Variants in KAZN observed in about 807,000 individuals in gnomAD.
KAZN encodes kazrin, periplakin interacting protein.
KAZN carries 40 observed loss-of-function variants against 87.4 expected under a neutral mutation model. The observed-to-expected ratio is 0.46, with a 90% CI of 0.36 to 0.60. KAZN has a LOEUF of 0.60. KAZN is among the 20% of genes least tolerant of loss of function. The pLI, the probability that KAZN is intolerant of heterozygous loss-of-function variation, is 0.00. For missense variants in KAZN, 898 were observed against 1,073.9 expected (o/e 0.84, Z 2.29); for synonymous variants, 466 against 458.3 (o/e 1.02, Z -0.22).
rs1414310963 is a variant in KAZN at position 15,066,649 on chromosome 1, G to A, written c.1222+896G>A. On this transcript the variant is annotated intron_variant, in intron 8 of 14. Coordinates refer to ENST00000376030, the MANE Select transcript of KAZN (RefSeq NM_201628.3). The surrounding 1 kb of genome is among the most constrained non-coding windows in gnomAD (Gnocchi z 4.3). ...CTATCTAAATTATTACATAAATATT[G>A]GAATGTCTATTTTTCCATGGGGTGG... 1.0e-6 allele frequency: 1 copy of A among 984,266 alleles called. No individual in the cohort carries two copies. The highest frequency in any genetic ancestry group is 1.2e-6 in the Non-Finnish European group (1 of 829,040). The allele number at this position is 984,266 out of a possible 1,614,324, so 61.0% of individuals were successfully genotyped here.
At chr1:14,582,017 C>A (rs970400713) in intron 2 of KAZN, among the ~76,000 whole-genome samples, 2 of 152,024 alleles carry the variant, frequency 1.3e-5, no homozygotes, top group Non-Finnish European at 2.9e-5. Context: ...ATGTAAGCTC[C>A]AAAAGGGCAG....
chr1:14,834,106 G>C (rs1647143070), intron 1 of KAZN, among the ~76,000 whole-genome samples: 1 of 151,840 alleles, frequency 6.6e-6, no homozygotes, highest in Non-Finnish European at 1.5e-5. Flanking sequence ...TGTGATCTCA[G>C]CTCACCGCAA....
At chr1:14,126,546 C>G (rs1411777831) in intron 1 of KAZN, among the ~76,000 whole-genome samples, 1 of 151,988 alleles carries the variant, frequency 6.6e-6, no homozygotes, top group East Asian at 1.9e-4. Flanking sequence ...TGCATTTTAG[C>G]AAAGGTCTCA....
intron 1 of KAZN, among the ~76,000 whole-genome samples, chr1:14,754,399 G>A (rs903885686): frequency 6.6e-6 from 1 of 152,132 alleles, no homozygotes; most frequent in Non-Finnish European, 1.5e-5. Context: ...TTGGGAGGCT[G>A]AGGCAGGTGG....
In KAZN at chr1:15,086,114, G is replaced by A. The variant is rs567152758; in HGVS notation, c.1223-8066G>A. On this transcript the variant is annotated intron_variant, in intron 8 of 14. Transcript: ENST00000376030. ...GCCTCCCAAGTAGCTGGGATTACAGGCGCCCCCGACCACGCCCGGCTAATT... is the reference window on the plus strand; with the variant it reads ...GCCTCCCAAGTAGCTGGGATTACAGACGCCCCCGACCACGCCCGGCTAATT... Among the ~76,000 whole-genome samples, 4 of 152,164 alleles carry A rather than the reference G, an allele frequency of 2.6e-5. No individual in the cohort carries two copies. In the East Asian group the frequency reaches 5.8e-4, roughly 22 times the overall value.
intron 1 of KAZN, among the ~76,000 whole-genome samples, chr1:14,038,207 T>C (rs1641643393): frequency 6.6e-6 from 1 of 152,002 alleles, no homozygotes; most frequent in South Asian, 2.1e-4. Context: ...ATTTAGAAGG[T>C]ACTAAAGGAT....
At chr1:14,314,477 G>A (rs1655515904) in intron 2 of KAZN, among the ~76,000 whole-genome samples, 2 of 152,032 alleles carry the variant, frequency 1.3e-5, no homozygotes, top group Admixed American at 6.6e-5. Context: ...TGAGATTCCT[G>A]TTGGCTTTTA....
chr1:15,046,435 G>T (rs1316293639), intron 4 of KAZN, among the ~76,000 whole-genome samples: 1 of 149,430 alleles, frequency 6.7e-6, no homozygotes, highest in African/African-American at 2.6e-5. Flanking sequence ...GGAAGGATTG[G>T]CTTTGCTGTC....
At chr1:14,287,186 T>C (rs936163098) in intron 2 of KAZN, among the ~76,000 whole-genome samples, 7 of 152,208 alleles carry the variant, frequency 4.6e-5, no homozygotes, top group African/African-American at 1.4e-4. Context: ...TTCCATTACC[T>C]TGACACCGTT....
At chr1:14,970,913 G>A (rs1046878201) in intron 2 of KAZN, among the ~76,000 whole-genome samples, 37 of 152,172 alleles carry the variant, frequency 2.4e-4, no homozygotes, top group African/African-American at 8.9e-4. Context: ...GGAAGACTGA[G>A]GTGTGAACAC....
At chr1:14,721,938 G>T (rs1157859932) in intron 1 of KAZN, among the ~76,000 whole-genome samples, 1 of 152,092 alleles carries the variant, frequency 6.6e-6, no homozygotes, top group Non-Finnish European at 1.5e-5. Context: ...TGAATAACTT[G>T]AGGTCAGAAG....
At chr1:14,717,341 A>G (rs960368363) in intron 1 of KAZN, among the ~76,000 whole-genome samples, 2 of 151,934 alleles carry the variant, frequency 1.3e-5, no homozygotes, top group Admixed American at 1.3e-4. Flanking sequence ...TGGATTCTGT[A>G]TTCTAGCTGG....
chr1:14,636,080 G>A (rs963461009), intron 1 of KAZN, among the ~76,000 whole-genome samples: 9 of 152,184 alleles, frequency 5.9e-5, no homozygotes, highest in Admixed American at 6.5e-5. Context: ...AACTGAAAGC[G>A]GGGAGGACTG....
At chr1:14,529,037 C>T (rs1390777567) in intron 2 of KAZN, among the ~76,000 whole-genome samples, 2 of 152,126 alleles carry the variant, frequency 1.3e-5, no homozygotes, top group African/African-American at 4.8e-5. Context: ...GGCGCGGTGG[C>T]TCATGCCTGT....
intron 2 of KAZN, among the ~76,000 whole-genome samples, chr1:14,488,376 G>T (rs1258780689): frequency 6.6e-6 from 1 of 152,108 alleles, no homozygotes; most frequent in Non-Finnish European, 1.5e-5. Flanking sequence ...ATTCCACTCT[G>T]GCCCAATTTG....
At chr1:14,707,602 G>A (rs1437211709) in intron 1 of KAZN, among the ~76,000 whole-genome samples, 1 of 152,112 alleles carries the variant, frequency 6.6e-6, no homozygotes, top group Admixed American at 6.5e-5. Flanking sequence ...TGCTACAGAG[G>A]AGCCCGGGGA....
intron 2 of KAZN, among the ~76,000 whole-genome samples, chr1:14,384,305 ATTT>A (rs1661661703): frequency 6.6e-6 from 1 of 151,846 alleles, no homozygotes; most frequent in Non-Finnish European, 1.5e-5. Context: ...AATACCCTTT[ATTT>A]CCTTCTCCTG....
At chr1:14,212,068 T>C (rs1646864486) in intron 2 of KAZN, among the ~76,000 whole-genome samples, 1 of 152,188 alleles carries the variant, frequency 6.6e-6, no homozygotes, top group South Asian at 2.1e-4. Context: ...TTATGAATGG[T>C]CCACGGCTTT....
At chr1:14,230,715 C>T (rs541887038) in intron 2 of KAZN, among the ~76,000 whole-genome samples, 1 of 152,302 alleles carries the variant, frequency 6.6e-6, no homozygotes, top group African/African-American at 2.4e-5. Context: ...GACTCTATGA[C>T]ACTGAACTTG....
Sources: gnomAD v4.1 joint callset for allele counts (sites outside exome capture counted in the v4.1 genomes callset) on GRCh38, gnomAD v4.1.1 for gene constraint, Gnocchi (gnomAD v3.1) non-coding constraint, MANE v1.5 for transcripts, NCBI Gene and HGNC (gene_info 2026-07-23, HGNC 2026-07-21) for gene names.